ELP3: variants seen among roughly 807,000 people sequenced by gnomAD.
ELP3 encodes the protein elongator acetyltransferase complex subunit 3, also known as elongator complex protein 3.
A neutral mutation model predicts 74.9 loss-of-function variants in ELP3; 56 were observed. That is an observed-to-expected ratio of 0.75 (90% CI 0.60 to 0.93). The LOEUF (loss-of-function observed/expected upper bound fraction) is 0.93. ELP3 is among the 40% of genes least tolerant of loss of function. ELP3 has a pLI of 0.00. For missense variants in ELP3, 573 were observed against 686.5 expected (o/e 0.83, Z 1.85); for synonymous variants, 222 against 239.8 (o/e 0.93, Z 0.68).
chr8:28,162,764 GA>G (rs1814155340), intron 14 of ELP3, among the ~76,000 whole-genome samples: 1 of 152,180 alleles, frequency 6.6e-6, no homozygotes, highest in South Asian at 2.1e-4. Flanking sequence ...GCAAAGTCAT[GA>G]AAAAATAAGA....
At chr8:28,150,687 A>G (rs1037207704) in intron 10 of ELP3, among the ~76,000 whole-genome samples, 1 of 151,948 alleles carries the variant, frequency 6.6e-6, no homozygotes, top group African/African-American at 2.4e-5. Context: ...TGAAATGCCT[A>G]CATGTAGGTT....
intron 14 of ELP3, among the ~76,000 whole-genome samples, chr8:28,162,636 A>G (rs796722277): frequency 5.9e-5 from 9 of 152,362 alleles, no homozygotes; most frequent in African/African-American, 1.9e-4. Context: ...TGACAAAGGC[A>G]GATTAACAGG....
At chr8:28,144,853 A>G (rs1234859696) in intron 10 of ELP3, among the ~76,000 whole-genome samples, 1 of 152,234 alleles carries the variant, frequency 6.6e-6, no homozygotes, top group Non-Finnish European at 1.5e-5. Flanking sequence ...AGCCTGGCCA[A>G]CATGGCAAAA....
intron 7 of ELP3, among the ~76,000 whole-genome samples, chr8:28,125,512 C>T (rs781588386): frequency 1.3e-5 from 2 of 152,264 alleles, no homozygotes; most frequent in South Asian, 2.1e-4. Context: ...GATACCACAG[C>T]TTCTTGGAGT....
chr8:28,111,312 T>A (rs1016238274), intron 6 of ELP3, among the ~76,000 whole-genome samples: 1 of 152,236 alleles, frequency 6.6e-6, no homozygotes, highest in Non-Finnish European at 1.5e-5. Context: ...TACATGACCT[T>A]GCAGTGTTCA....
intron 10 of ELP3, among the ~76,000 whole-genome samples, chr8:28,153,188 C>T (rs1172476852): frequency 6.6e-6 from 1 of 152,092 alleles, no homozygotes; most frequent in East Asian, 1.9e-4. Context: ...CAGGGTCTGC[C>T]TAGCCAAATT....
chr8:28,114,749 G>A (rs914279268), intron 7 of ELP3, among the ~76,000 whole-genome samples: 3 of 152,160 alleles, frequency 2.0e-5, no homozygotes, highest in Admixed American at 6.5e-5. Context: ...GTCATGAGAC[G>A]GGGTTGAAGT....
intron 5 of ELP3, among the ~76,000 whole-genome samples, chr8:28,108,464 T>C (rs532390699): frequency 1.4e-5 from 2 of 147,308 alleles, no homozygotes; most frequent in South Asian, 2.2e-4. Flanking sequence ...TTTCTTTTTT[T>C]TTTTTTTTTT....
intron 14 of ELP3, among the ~76,000 whole-genome samples, chr8:28,171,377 A>G (rs553159989): frequency 1.3e-5 from 2 of 151,608 alleles, no homozygotes; most frequent in East Asian, 3.9e-4. Context: ...TAGCCATCCT[A>G]GTGGTATAAA....
At chr8:28,109,118 G>A (rs7841992) in intron 5 of ELP3, among the ~76,000 whole-genome samples, 4,206 of 152,212 alleles carry the variant, frequency 0.028, 211 homozygotes, top group African/African-American at 0.097. Context: ...CCATTTTAGC[G>A]TAGGAGTCAT....
rs751945671 is a variant in ELP3 at position 28,132,261 on chromosome 8, TG to T, written c.780-16del. ...AATAGGTAGTGATTTTCACAGGTAG[TG>T]ATTTTCTTTCCTTAGGGGCCACACT... On this transcript the variant is annotated splice_polypyrimidine_tract_variant and intron_variant, in intron 8 of 14. Coordinates refer to ENST00000256398, the MANE Select transcript of ELP3 (RefSeq NM_018091.6). The T allele has an allele frequency of 1.3e-5, 21 of 1,613,788 alleles. No homozygotes were observed. The Admixed American group carries it at 1.3e-4, about 10-fold the overall frequency.
intron 14 of ELP3, among the ~76,000 whole-genome samples, chr8:28,173,988 A>G (rs1054399070): frequency 2.0e-5 from 3 of 152,002 alleles, no homozygotes; most frequent in Non-Finnish European, 4.4e-5. Flanking sequence ...TTTTAAATTT[A>G]TTAAGACATG....
intron 14 of ELP3, among the ~76,000 whole-genome samples, chr8:28,166,297 A>G (rs1814304429): frequency 6.6e-6 from 1 of 152,346 alleles, no homozygotes; most frequent in Admixed American, 6.5e-5. Context: ...ATTAGTTCAT[A>G]ACTCAAGATT....
chr8:28,105,412 G>A (rs773058414), intron 3 of ELP3, among the ~76,000 whole-genome samples: 1 of 152,096 alleles, frequency 6.6e-6, no homozygotes, highest in Non-Finnish European at 1.5e-5. Context: ...AAAGGAAAAT[G>A]TTCCAGGCTT....
Position 28,106,727 on chromosome 8 carries a change from T to A in ELP3, c.273T>A (p.Ala91=). ...IRTASGIAVV[A]VMCKPHRCPH... ...TTCTTTTATAGATTGCTGTCGTGGCTGTGATGTGCAAACCCCACAGATGTC... is the reference window on the plus strand; with the variant it reads ...TTCTTTTATAGATTGCTGTCGTGGCAGTGATGTGCAAACCCCACAGATGTC... Residue 91 remains alanine (A), a synonymous_variant, in exon 4 of 15, where the codon GCT becomes GCA. Transcript: ENST00000256398. 2.5e-6 allele frequency: 4 copies of A among 1,612,952 alleles called. No individual in the cohort carries two copies. The highest frequency in any genetic ancestry group is 3.4e-6 in the Non-Finnish European group (4 of 1,179,652).
Position 28,093,756 on chromosome 8 carries a change from CTCTCACAGGTTCTGTTCCTATTTCTGTA to C in ELP3, c.19+548_19+575del, listed in dbSNP as rs545492755. ...AGGACGGATTCAAATTTGAAATATTCTCTCACAGGTTCTGTTCCTATTTCTGTATCTCACAGGTTCTGTTCCTATTTCA... is the reference window on the plus strand; with the variant it reads ...AGGACGGATTCAAATTTGAAATATTCTCTCACAGGTTCTGTTCCTATTTCA... On this transcript the variant is annotated intron_variant, in intron 1 of 14. Coordinates refer to ENST00000256398, the MANE Select transcript of ELP3 (RefSeq NM_018091.6). The C allele has an allele frequency of 1.7e-3, 270 of 161,648 alleles. 2 individuals carry two copies. The highest frequency in any genetic ancestry group is 5.9e-3 in the African/African-American group (245 of 41,574). The allele number at this position is 161,648 out of a possible 1,614,324, so 10.0% of individuals were successfully genotyped here.
intron 3 of ELP3, among the ~76,000 whole-genome samples, chr8:28,104,456 A>C (rs1425873244): frequency 6.6e-6 from 1 of 152,226 alleles, no homozygotes; most frequent in African/African-American, 2.4e-5. Context: ...ACCTCACTTA[A>C]GTTTCACCAG....
intron 14 of ELP3, among the ~76,000 whole-genome samples, chr8:28,166,856 G>GTGA (rs1329225923): frequency 2.6e-5 from 4 of 152,218 alleles, no homozygotes; most frequent in Admixed American, 6.6e-5. Context: ...ATCCAATCGT[G>GTGA]TGACTGTTTC....
At chr8:28,138,443 T>C (rs1054194241) in intron 10 of ELP3, among the ~76,000 whole-genome samples, 1 of 152,210 alleles carries the variant, frequency 6.6e-6, no homozygotes, top group Non-Finnish European at 1.5e-5. Flanking sequence ...CTATTTATAC[T>C]TACATACATA....
Sources: gnomAD v4.1 joint callset for allele counts (sites outside exome capture counted in the v4.1 genomes callset) on GRCh38, gnomAD v4.1.1 for gene constraint, MANE v1.5 for transcripts, NCBI Gene and HGNC (gene_info 2026-07-23, HGNC 2026-07-21) for gene names.